Variants in STRN3 observed in about 807,000 individuals in gnomAD.
STRN3 encodes striatin 3.
A neutral mutation model predicts 95.6 loss-of-function variants in STRN3; 29 were observed. That is an observed-to-expected ratio of 0.30 (90% confidence interval 0.23 to 0.41). The LOEUF (loss-of-function observed/expected upper bound fraction) is 0.41. STRN3 is among the 10% of genes least tolerant of loss of function. STRN3 has a pLI of 1.00. For missense variants in STRN3, 890 were observed against 972.1 expected, an observed-to-expected ratio of 0.92 and a Z score of 1.12; for synonymous variants, 331 against 357.6, an observed-to-expected ratio of 0.93 and a Z score of 0.84.
chr14:30,902,139 C>T (rs1032900294), intron 16 of STRN3, among the ~76,000 whole-genome samples: 6 of 125,598 alleles, frequency 4.8e-5, no homozygotes, highest in African/African-American at 1.9e-4. Context: ...CCATTGCACA[C>T]CAGCCTGGGC....
intron 3 of STRN3, among the ~76,000 whole-genome samples, chr14:30,954,315 T>G (rs1418137246): frequency 6.6e-6 from 1 of 152,190 alleles, no homozygotes; most frequent in Non-Finnish European, 1.5e-5. Context: ...GTTTAGGCTG[T>G]ATCTATTTAT....
intron 1 of STRN3, among the ~76,000 whole-genome samples, chr14:30,985,246 T>C (rs1881624498): frequency 6.6e-6 from 1 of 150,836 alleles, no homozygotes; most frequent in Admixed American, 6.6e-5. Flanking sequence ...AGGCAGAGGT[T>C]GCAGTGAGCC....
intron 1 of STRN3, among the ~76,000 whole-genome samples, chr14:30,980,041 G>C (rs1881312416): frequency 6.6e-6 from 1 of 151,600 alleles, no homozygotes; most frequent in South Asian, 2.1e-4. Context: ...CGAGGTCAGG[G>C]GTTCTAGACC....
At chr14:30,938,052 T>G (rs978151079) in intron 5 of STRN3, among the ~76,000 whole-genome samples, 1 of 152,088 alleles carries the variant, frequency 6.6e-6, no homozygotes, top group Admixed American at 6.6e-5. Context: ...CGTAAATAGG[T>G]GTCACACTGT....
At chr14:30,950,752 A>C in intron 4 of STRN3, 111 bp downstream of exon 4, 1 of 1,014,264 alleles carries the variant, frequency 9.9e-7, no homozygotes, top group Non-Finnish European at 1.4e-6. Context: ...AAGCAGCAAT[A>C]CAAAAAACAT....
Position 30,947,128 on chromosome 14 carries a change from T to C in STRN3, c.678A>G (p.Gly226=). The C allele has an allele frequency of 6.2e-7, 1 of 1,607,122 alleles. No individual in the cohort carries two copies. ...ETKNLEQILN[G]GESPKQKGQE... ...GTCCCTTTTGCTTAGGAGATTCACC[T>C]CCATTCAGGATCTGTTCTAAATTCT... Residue 226 remains glycine, a synonymous_variant, in exon 5 of 18, where the codon GGA becomes GGG. Transcript: ENST00000357479.
chr14:30,917,161 CT>C (rs1217273092), intron 9 of STRN3, among the ~76,000 whole-genome samples: 22 of 152,150 alleles, frequency 1.4e-4, no homozygotes, highest in Admixed American at 1.3e-3. Flanking sequence ...AAACTCACAC[CT>C]CTTTAAATAA....
At chr14:30,966,190 CAG>C (rs1302452157) in intron 1 of STRN3, among the ~76,000 whole-genome samples, 1 of 150,392 alleles carries the variant, frequency 6.6e-6, no homozygotes, top group African/African-American at 2.5e-5. Context: ...CCCTAGCCGA[CAG>C]GGGAACAACA....
intron 1 of STRN3, among the ~76,000 whole-genome samples, chr14:30,997,783 G>C (rs956380123): frequency 3.3e-5 from 5 of 152,112 alleles, no homozygotes; most frequent in Admixed American, 3.3e-4. Flanking sequence ...TTGCTATTAC[G>C]AGCCTCCTTG....
At chr14:31,014,127 A>G (rs1343351379) in intron 1 of STRN3, among the ~76,000 whole-genome samples, 2 of 151,908 alleles carry the variant, frequency 1.3e-5, no homozygotes, top group African/African-American at 2.4e-5. Context: ...TTGGTCTTGA[A>G]TTTCTGACTT....
intron 1 of STRN3, among the ~76,000 whole-genome samples, chr14:31,013,815 G>A (rs983835746): frequency 1.3e-5 from 2 of 149,938 alleles, no homozygotes; most frequent in Non-Finnish European, 3.0e-5. Flanking sequence ...GGCTGGTCTC[G>A]AACTCCTGGC....
chr14:30,938,205 G>A (rs1048873637), intron 5 of STRN3, among the ~76,000 whole-genome samples: 3 of 150,520 alleles, frequency 2.0e-5, no homozygotes, highest in African/African-American at 7.3e-5. Flanking sequence ...TTAATAGGTT[G>A]TACTATATCC....
chr14:30,949,843 C>G (rs1566452954), intron 4 of STRN3, among the ~76,000 whole-genome samples: 1 of 151,996 alleles, frequency 6.6e-6, no homozygotes, highest in South Asian at 2.1e-4. Context: ...ACAATGGAAG[C>G]AGGGGGTGGC....
intron 1 of STRN3, among the ~76,000 whole-genome samples, chr14:30,961,642 A>G (rs1880212481): frequency 6.6e-6 from 1 of 152,198 alleles, no homozygotes; most frequent in South Asian, 2.1e-4. Flanking sequence ...TTGATTTACT[A>G]TACATTTTTG....
At chr14:30,929,124 AC>A in intron 8 of STRN3, 76 bp downstream of exon 8, 1 of 1,250,106 alleles carries the variant, frequency 8.0e-7, no homozygotes, top group Non-Finnish European at 1.1e-6. Context: ...ATTAAGTTAC[AC>A]AAAGAAACAG....
At chr14:31,013,684 C>CCTGG (rs1883077773) in intron 1 of STRN3, among the ~76,000 whole-genome samples, 1 of 151,544 alleles carries the variant, frequency 6.6e-6, no homozygotes, top group Admixed American at 6.6e-5. Flanking sequence ...ACTTCAAACT[C>CCTGG]CTGGGCTCAA....
chr14:30,963,577 T>G (rs1258043353), intron 1 of STRN3, among the ~76,000 whole-genome samples: 1 of 152,070 alleles, frequency 6.6e-6, no homozygotes, highest in Non-Finnish European at 1.5e-5. Context: ...CCCAGCTAAT[T>G]TTTGTATTTT....
In STRN3 at chr14:31,026,093, C is replaced by T. The variant is rs1464903440; in HGVS notation, c.93G>A (p.Ser31=). The T allele has an allele frequency of 6.5e-7, 1 of 1,527,902 alleles. No homozygotes were observed. Among genetic ancestry groups the T allele is most frequent in the Non-Finnish European group, 8.8e-7 (1 of 1,138,452 alleles). The allele number at this position is 1,527,902 out of a possible 1,614,324, so 94.6% of individuals were successfully genotyped here. A position where few individuals can be genotyped will look rare whatever the true frequency, so the allele number is the denominator to read the frequency against. The change falls in exon 1 of 18, where the codon TCG becomes TCA. Residue 31 remains serine (S), a synonymous_variant. Coordinates refer to ENST00000357479, the MANE Select transcript of STRN3 (RefSeq NM_001083893.2). ...CGCCCGCCGCTCCGTTCCCCCCGGGCGAAAGGCCCAGGTTCCCCCCAGGTC... is the reference window on the plus strand; with the variant it reads ...CGCCCGCCGCTCCGTTCCCCCCGGGTGAAAGGCCCAGGTTCCCCCCAGGTC... ...QQGPGGNLGL[S]PGGNGAAGGG...
chr14:30,900,444 G>A (rs952928369), intron 16 of STRN3, among the ~76,000 whole-genome samples: 3 of 81,750 alleles, frequency 3.7e-5, no homozygotes, highest in Non-Finnish European at 9.5e-5. Flanking sequence ...GGTGTGGGGC[G>A]GGGGGGGGCG....
Sources: gnomAD v4.1 joint callset for allele counts (sites outside exome capture counted in the v4.1 genomes callset) on GRCh38, gnomAD v4.1.1 for gene constraint, MANE v1.5 for transcripts, NCBI Gene and HGNC (gene_info 2026-07-23, HGNC 2026-07-21) for gene names.